Variants in KCNH7 observed in about 807,000 individuals in gnomAD.
The protein encoded by KCNH7 is potassium voltage-gated channel subfamily H member 7.
KCNH7 carries 49 observed loss-of-function variants against 120.8 expected under a neutral mutation model. The ratio of observed to expected loss-of-function variants is 0.41; its 90% CI spans 0.32 to 0.51. KCNH7 has a LOEUF of 0.51. Ranked by LOEUF, KCNH7 falls within the 20% of genes least tolerant of loss-of-function variation. KCNH7 has a pLI of 0.38. For missense variants in KCNH7, 1,097 were observed against 1,446.6 expected, an observed-to-expected ratio of 0.76 and a Z score of 3.92; for synonymous variants, 547 against 516.1, an observed-to-expected ratio of 1.06 and a Z score of -0.81.
At position 162,400,514 on chromosome 2, in the gene KCNH7, T is replaced by G; in HGVS notation, c.2155-73A>C. On this transcript the variant is annotated intron_variant, in intron 9 of 15. Transcript: ENST00000332142. The stretch of plus-strand genomic sequence containing the variant: ...TCTGCCTGAAATACAGTCAATTTCT[T>G]GCTCACAGAACTGCAGGTGTAGTCA... The G allele has an allele frequency of 3.3e-6, 5 of 1,502,900 alleles. No homozygotes were observed. In the South Asian group the frequency reaches 6.0e-5, roughly 18 times the overall value. The allele number at this position is 1,502,900 out of a possible 1,614,324, so 93.1% of individuals were successfully genotyped here.
At chr2:162,671,714 A>G (rs1685366559) in intron 2 of KCNH7, among the ~76,000 whole-genome samples, 1 of 151,994 alleles carries the variant, frequency 6.6e-6, no homozygotes. Flanking sequence ...TGTAGCTCCT[A>G]AATCTATAAA....
At chr2:162,663,422 ATTTAC>A (rs1685035827) in intron 2 of KCNH7, among the ~76,000 whole-genome samples, 4 of 152,062 alleles carry the variant, frequency 2.6e-5, no homozygotes, top group African/African-American at 9.7e-5. Context: ...ATTCTTGATG[ATTTAC>A]TAATGACAAT....
chr2:162,621,618 C>T (rs1175653071), intron 2 of KCNH7, among the ~76,000 whole-genome samples: 1 of 151,970 alleles, frequency 6.6e-6, no homozygotes, highest in Non-Finnish European at 1.5e-5. Context: ...AAGTCACAGG[C>T]TTTAAATAAA....
chr2:162,426,273 T>C (rs1483812325), intron 8 of KCNH7, among the ~76,000 whole-genome samples: 1 of 151,834 alleles, frequency 6.6e-6, no homozygotes, highest in African/African-American at 2.4e-5. Flanking sequence ...ATTCTGTGAT[T>C]ATGACTTTTA....
chr2:162,722,679 A>T (rs975443398), intron 2 of KCNH7, among the ~76,000 whole-genome samples: 8 of 152,052 alleles, frequency 5.3e-5, no homozygotes, highest in Admixed American at 2.6e-4. Context: ...TATTTTTTTG[A>T]ATAAGTTTTT....
chr2:162,642,301 ACAT>A (rs1559059629), intron 2 of KCNH7, among the ~76,000 whole-genome samples: 1 of 152,214 alleles, frequency 6.6e-6, no homozygotes, highest in Non-Finnish European at 1.5e-5. Flanking sequence ...CACTGCCTTT[ACAT>A]CATTATCTTG....
At chr2:162,829,520 G>A (rs994023835) in intron 2 of KCNH7, among the ~76,000 whole-genome samples, 2 of 152,094 alleles carry the variant, frequency 1.3e-5, no homozygotes, top group African/African-American at 4.8e-5. Context: ...AGAAAACTCT[G>A]GTTTGGGCTA....
chr2:162,628,428 C>G (rs1458599013), intron 2 of KCNH7, among the ~76,000 whole-genome samples: 1 of 152,100 alleles, frequency 6.6e-6, no homozygotes, highest in Non-Finnish European at 1.5e-5. Context: ...CTCATCTTCT[C>G]TCCTTGAGAA....
chr2:162,782,563 A>T (rs1293807114), intron 2 of KCNH7, among the ~76,000 whole-genome samples: 1 of 152,208 alleles, frequency 6.6e-6, no homozygotes, highest in Non-Finnish European at 1.5e-5. Context: ...AGACAAGACC[A>T]GAGACCAAAT....
chr2:162,677,723 T>G lies in KCNH7; in HGVS notation c.308-140643A>C, dbSNP rs189375069. ...TACGGTACAAATGTGTTTAGCTTAG[T>G]AGATTCTGTCAAACATCTTTCCAAC... On this transcript the variant is annotated intron_variant, in intron 2 of 15. Coordinates refer to ENST00000332142, the MANE Select transcript of KCNH7 (RefSeq NM_033272.4). 2.2e-3 allele frequency among the ~76,000 whole-genome samples: 328 copies of G among 151,680 alleles called. 2 individuals are homozygous for G. The highest frequency in any genetic ancestry group is 6.4e-3 in the African/African-American group (265 of 41,494).
intron 2 of KCNH7, among the ~76,000 whole-genome samples, chr2:162,735,052 T>C (rs902155283): frequency 2.0e-5 from 3 of 152,144 alleles, no homozygotes; most frequent in Admixed American, 6.6e-5. Context: ...TTACAGTAAG[T>C]TTCACAGGAT....
At chr2:162,460,431 G>T (rs146675409) in intron 6 of KCNH7, among the ~76,000 whole-genome samples, 256 of 152,200 alleles carry the variant, frequency 1.7e-3, no homozygotes, top group African/African-American at 5.9e-3. Context: ...AAAATAAGAA[G>T]GATGATGACT....
chr2:162,671,837 G>A (rs1201547218), intron 2 of KCNH7, among the ~76,000 whole-genome samples: 1 of 151,960 alleles, frequency 6.6e-6, no homozygotes, highest in Non-Finnish European at 1.5e-5. Context: ...AATAATATAG[G>A]TTTAAGACCT....
At chr2:162,506,914 G>T (rs7594516) in intron 5 of KCNH7, among the ~76,000 whole-genome samples, 21,338 of 151,754 alleles carry the variant, frequency 0.14, 2,043 homozygotes, top group East Asian at 0.34. Flanking sequence ...GTCACAATTC[G>T]CCTGCCTTAA....
At chr2:162,402,448 G>A (rs1034415687) in intron 9 of KCNH7, among the ~76,000 whole-genome samples, 3 of 148,844 alleles carry the variant, frequency 2.0e-5, no homozygotes, top group Non-Finnish European at 4.5e-5. Context: ...CAGTTTGGAG[G>A]TTGTATAGAA....
intron 11 of KCNH7, 68 bp downstream of exon 11, chr2:162,396,672 T>C (rs1686920084): frequency 2.5e-6 from 3 of 1,177,178 alleles, no homozygotes; most frequent in Non-Finnish European, 3.7e-6. Flanking sequence ...TTTTCAGAAG[T>C]ATTTGTGCAA....
At chr2:162,444,898 T>C (rs1422744567) in intron 7 of KCNH7, among the ~76,000 whole-genome samples, 1 of 151,992 alleles carries the variant, frequency 6.6e-6, no homozygotes, top group Non-Finnish European at 1.5e-5. Flanking sequence ...TCACATGTAC[T>C]ATCTCATTAG....
chr2:162,618,680 T>C (rs1683234143), intron 2 of KCNH7, among the ~76,000 whole-genome samples: 1 of 152,208 alleles, frequency 6.6e-6, no homozygotes, highest in South Asian at 2.1e-4. Flanking sequence ...ATGTTTATTG[T>C]TGTGGATGTA....
At chr2:162,557,646 A>G (rs540519733) in intron 2 of KCNH7, among the ~76,000 whole-genome samples, 1 of 152,300 alleles carries the variant, frequency 6.6e-6, no homozygotes, top group Admixed American at 6.5e-5. Context: ...TTAACAGGGA[A>G]AGGCTAAATT....
Sources: allele counts gnomAD v4.1 joint callset (sites outside exome capture counted in the v4.1 genomes callset), GRCh38; gene constraint gnomAD v4.1.1; transcripts MANE v1.5; gene names NCBI Gene and HGNC (gene_info 2026-07-23, HGNC 2026-07-21).